The following SGCG variants were observed in gnomAD, a reference collection of about 807,000 sequenced individuals.
SGCG encodes gamma-sarcoglycan.
In SGCG, 26 loss-of-function variants were observed where a neutral mutation model predicts 29.3. That is an observed-to-expected ratio of 0.89 (90% CI 0.65 to 1.23). The LOEUF is 1.23. Among genes scored for constraint, SGCG ranks in the 50% most tolerant of loss-of-function variants. The pLI is 0.00. For synonymous variants in SGCG, 145 were observed against 129.7 expected (o/e 1.12, Z -0.80); for missense variants, 353 against 356.0 (o/e 0.99, Z 0.07).
intron 3 of SGCG, chr13:23,244,228 A>G (rs1049742240): frequency 1.3e-5 from 2 of 152,210 alleles, no homozygotes; most frequent in Non-Finnish European, 2.9e-5. Flanking sequence ...GATAACAGAG[A>G]AAGTATAAAC....
chr13:23,164,115 T>C, the SGCG span, among the ~76,000 whole-genome samples: 1 of 152,248 alleles, frequency 6.6e-6, no homozygotes. Flanking sequence ...GTCTTTTTTC[T>C]TTAAGATTGT....
intron 6 of SGCG, among the ~76,000 whole-genome samples, chr13:23,301,758 G>A (rs1261356731): frequency 6.6e-6 from 1 of 152,014 alleles, no homozygotes; most frequent in African/African-American, 2.4e-5. Context: ...ATACATAGTG[G>A]TGCACACTTG....
At chr13:23,204,015 T>A (rs1400745648) in intron 2 of SGCG, 126 bp downstream of exon 2, 4 of 761,736 alleles carry the variant, frequency 5.3e-6, no homozygotes, top group Non-Finnish European at 9.1e-6. Context: ...GGCTCTGAAT[T>A]TCAGGAGCAA....
intron 3 of SGCG, chr13:23,246,730 G>A: frequency 4.6e-6 from 1 of 218,006 alleles, no homozygotes; most frequent in Admixed American, 4.1e-5. Flanking sequence ...AGCAGCAGAA[G>A]GTATTTAAAA....
rs141640474 is a variant in SGCG, at chr13:23,251,166, T to A, written c.385+449T>A. On this transcript the variant is annotated intron_variant, in intron 4 of 7. Coordinates refer to ENST00000218867, the MANE Select transcript of SGCG (RefSeq NM_000231.3). ...CTTTCCAGTTTATCTTTGCCACCAT[T>A]TTCACTTGGCTGTATCACTTCTCAC... is the stretch of plus-strand genomic sequence containing the variant. 3.3e-5 allele frequency among the ~76,000 whole-genome samples: 5 copies of A among 152,342 alleles called. No individual in the cohort carries two copies. In the East Asian group the frequency reaches 9.6e-4, roughly 29 times the overall value.
At chr13:23,172,409 T>C in the SGCG span, among the ~76,000 whole-genome samples, 3 of 152,062 alleles carry the variant, frequency 2.0e-5, no homozygotes, top group Admixed American at 6.5e-5. Context: ...ATAGTATGCA[T>C]ATTTAAAATA....
intron 6 of SGCG, among the ~76,000 whole-genome samples, chr13:23,316,945 G>A (rs1287245996): frequency 6.6e-6 from 1 of 152,198 alleles, no homozygotes; most frequent in Admixed American, 6.5e-5. Context: ...GGTGGCTCAT[G>A]CCTGTAATCC....
intron 6 of SGCG, among the ~76,000 whole-genome samples, chr13:23,312,346 C>T (rs1850707684): frequency 1.3e-5 from 2 of 152,066 alleles, no homozygotes; most frequent in African/African-American, 4.8e-5. Flanking sequence ...GGAGTAAATC[C>T]GGTTGATTTT....
At position 23,307,590 on chromosome 13, in the gene SGCG, G is replaced by A. The variant is rs564687913; in HGVS notation, c.578+12103G>A. Among the ~76,000 whole-genome samples, 9 of 152,140 alleles carry A rather than the reference G, an allele frequency of 5.9e-5. No individual in the cohort carries two copies. The South Asian group carries it at 1.9e-3, about 32-fold the overall frequency. ...CATCTTTTAGGAGATAGGTTCTACA[G>A]AACTGTATGGGTTTTTTTCAAGGTT... On this transcript the variant is annotated intron_variant, in intron 6 of 7. Coordinates refer to ENST00000218867, the MANE Select transcript of SGCG (RefSeq NM_000231.3).
At position 23,234,610 on chromosome 13, in the gene SGCG, G is replaced by A; in HGVS notation, c.196-1G>A. 1 of 1,598,432 alleles carries A rather than the reference G, an allele frequency of 6.3e-7. No individual in the cohort carries two copies. Among genetic ancestry groups the A allele is most frequent in the Non-Finnish European group, 8.6e-7 (1 of 1,167,982 alleles). ...CATTGTCTCTTTTTTTTTTTTAACA[G>A]GCAGGAATGGGCCACTTGTGTGTAA... is the stretch of plus-strand genomic sequence containing the variant. On this transcript the variant is annotated splice_acceptor_variant, in intron 2 of 7. Transcript: ENST00000218867. LOFTEE classifies it high-confidence loss of function.
chr13:23,290,204 C>A (rs1281313372), intron 5 of SGCG, among the ~76,000 whole-genome samples: 1 of 152,142 alleles, frequency 6.6e-6, no homozygotes, highest in Non-Finnish European at 1.5e-5. Flanking sequence ...ATATTTTAGA[C>A]ACGTAAATTG....
chr13:23,168,511 G>T, the SGCG span, among the ~76,000 whole-genome samples: 1 of 152,204 alleles, frequency 6.6e-6, no homozygotes, highest in Non-Finnish European at 1.5e-5. Flanking sequence ...CCAGCAGGGT[G>T]CTCGTGCCTT....
At chr13:23,308,745 G>A (rs745846652) in intron 6 of SGCG, among the ~76,000 whole-genome samples, 1 of 151,948 alleles carries the variant, frequency 6.6e-6, no homozygotes, top group African/African-American at 2.4e-5. Context: ...TTGTATTTTT[G>A]TAGAGACGCG....
intron 3 of SGCG, among the ~76,000 whole-genome samples, chr13:23,241,453 G>A: frequency 6.6e-6 from 1 of 152,068 alleles, no homozygotes; most frequent in East Asian, 1.9e-4. Context: ...CCAATAATGA[G>A]TAACAACATC....
At chr13:23,189,317 T>C (rs759026963) in intron 1 of SGCG, among the ~76,000 whole-genome samples, 5 of 152,140 alleles carry the variant, frequency 3.3e-5, no homozygotes, top group Non-Finnish European at 7.4e-5. Context: ...GCTGGGACTA[T>C]AGGTGCATGC....
intron 6 of SGCG, among the ~76,000 whole-genome samples, chr13:23,316,284 C>T (rs568559223): frequency 1.3e-4 from 20 of 152,308 alleles, no homozygotes; most frequent in African/African-American, 4.6e-4. Flanking sequence ...GCCTATCCTG[C>T]ATGCAATGTT....
intron 6 of SGCG, among the ~76,000 whole-genome samples, chr13:23,307,834 CATTT>C (rs1882415128): frequency 1.3e-5 from 2 of 152,084 alleles, no homozygotes; most frequent in South Asian, 4.1e-4. Flanking sequence ...AAAATGCAGG[CATTT>C]ATTGTGTAAA....
At chr13:23,283,745 G>C (rs887430883) in intron 5 of SGCG, among the ~76,000 whole-genome samples, 2 of 152,180 alleles carry the variant, frequency 1.3e-5, no homozygotes, top group African/African-American at 2.4e-5. Context: ...TTTTGCAGTG[G>C]CTGGTACCGG....
In SGCG at chr13:23,325,025, G is replaced by C. The variant is rs1392058762; in HGVS notation, c.*484G>C. 1 of 161,498 alleles carries C rather than the reference G, an allele frequency of 6.2e-6. No homozygotes were observed. The highest frequency in any genetic ancestry group is 2.4e-5 in the African/African-American group (1 of 41,666). 10.0% of individuals were successfully genotyped at this position (161,498 alleles called of 1,614,324 possible). ...CCTTCAGTTTAATGCAAGTAAGTCA[G>C]GTTTCACAAGAAAATTTTCAAGTTT... is the stretch of plus-strand genomic sequence containing the variant. On this transcript the variant is annotated 3_prime_UTR_variant, in exon 8 of 8. Coordinates refer to ENST00000218867, the MANE Select transcript of SGCG (RefSeq NM_000231.3).
Sources: allele counts gnomAD v4.1 joint callset (sites outside exome capture counted in the v4.1 genomes callset), GRCh38; gene constraint gnomAD v4.1.1; transcripts MANE v1.5; gene names NCBI Gene and HGNC (gene_info 2026-07-23, HGNC 2026-07-21).